RGS6: variants seen among roughly 807,000 people sequenced by gnomAD.
RGS6 encodes regulator of G-protein signaling 6.
RGS6 carries 30 observed loss-of-function variants against 78.5 expected under a neutral mutation model. The ratio of observed to expected loss-of-function variants is 0.38; its 90% confidence interval spans 0.29 to 0.52. The LOEUF is 0.52. Ranked by LOEUF, RGS6 falls within the 20% of genes least tolerant of loss-of-function variation. The probability of loss-of-function intolerance (pLI) is 0.85; values close to 1 mark genes in which losing one functional copy is unlikely to be tolerated. For synonymous variants in RGS6, 206 were observed against 206.0 expected (o/e 1.00, Z 0.00); for missense variants, 495 against 609.7 (o/e 0.81, Z 1.98).
At chr14:72,432,885 C>T (rs58904893) in intron 3 of RGS6, among the ~76,000 whole-genome samples, 1,695 of 152,304 alleles carry the variant, frequency 0.011, 30 homozygotes, top group African/African-American at 0.039. Context: ...CAGCCAAATA[C>T]AGTCTAATGG....
chr14:72,190,632 T>C (rs2097311504), intron 2 of RGS6, among the ~76,000 whole-genome samples: 1 of 152,314 alleles, frequency 6.6e-6, no homozygotes, highest in South Asian at 2.1e-4. Context: ...GGATGAGATG[T>C]GTTCATCTAC....
At chr14:72,513,680 A>C (rs1190781437) in intron 14 of RGS6, among the ~76,000 whole-genome samples, 2 of 152,286 alleles carry the variant, frequency 1.3e-5, no homozygotes, top group African/African-American at 4.8e-5. Context: ...GAATAATGAC[A>C]GTCACTCCTT....
In RGS6 at chr14:72,550,572, G is replaced by A. The variant is rs550631821; in HGVS notation, c.1422+10478G>A. On this transcript the variant is annotated intron_variant, in intron 17 of 17. Transcript: ENST00000553525. ...ACTTAACCCAACCTTGTAATCTTCTGCAGCAAAAGTGGTGGGGGAATTCTG... is the reference window on the plus strand; with the variant it reads ...ACTTAACCCAACCTTGTAATCTTCTACAGCAAAAGTGGTGGGGGAATTCTG... 5.2e-5 allele frequency: 80 copies of A among 1,535,500 alleles called. 1 individual carries two copies. The South Asian group carries it at 8.4e-4, about 16-fold the overall frequency.
At chr14:71,994,046 CTGCAAACTGA>C (rs1334331288) in intron 2 of RGS6, among the ~76,000 whole-genome samples, 2 of 151,752 alleles carry the variant, frequency 1.3e-5, no homozygotes, top group African/African-American at 4.8e-5. Flanking sequence ...ATTCAGGGTT[CTGCAAACTGA>C]TGCCAAACTA....
intron 2 of RGS6, among the ~76,000 whole-genome samples, chr14:72,119,971 G>C (rs755981304): frequency 6.6e-6 from 1 of 152,198 alleles, no homozygotes; most frequent in Non-Finnish European, 1.5e-5. Context: ...GTTTTGTGAG[G>C]ATGATAGATT....
chr14:72,511,439 G>T (rs2096876615), intron 14 of RGS6, among the ~76,000 whole-genome samples: 1 of 152,264 alleles, frequency 6.6e-6, no homozygotes, highest in Admixed American at 6.5e-5. Context: ...GTGAGAGTCT[G>T]CTGAGAGATG....
chr14:72,150,938 T>C (rs1312955727), intron 2 of RGS6, among the ~76,000 whole-genome samples: 2 of 152,212 alleles, frequency 1.3e-5, no homozygotes, highest in South Asian at 4.1e-4. Flanking sequence ...GATCTGTTGA[T>C]AATTGTGTAT....
rs7153828 is a variant in RGS6, at chr14:72,060,573, C to G, written c.84+95698C>G. 1.3e-3 allele frequency among the ~76,000 whole-genome samples: 195 copies of G among 152,234 alleles called. 2 individuals are homozygous for G. Among genetic ancestry groups the G allele is most frequent in the African/African-American group, 4.5e-3 (186 of 41,540 alleles). On this transcript the variant is annotated intron_variant, in intron 2 of 17. Coordinates refer to ENST00000553525, the MANE Select transcript of RGS6 (RefSeq NM_001204424.2). ...TCTTGTTTCTTTGGCTTCTGAATCACTTTGCTGAAGTTGAAATCATCTGAG... is the reference window on the plus strand; with the variant it reads ...TCTTGTTTCTTTGGCTTCTGAATCAGTTTGCTGAAGTTGAAATCATCTGAG...
At chr14:72,621,578 C>G in the RGS6 span, among the ~76,000 whole-genome samples, 1 of 152,030 alleles carries the variant, frequency 6.6e-6, no homozygotes, top group African/African-American at 2.4e-5. Flanking sequence ...GAGTTATCAA[C>G]AGGGGAGTGA....
chr14:71,970,641 G>C (rs2093744059), intron 2 of RGS6, among the ~76,000 whole-genome samples: 1 of 152,138 alleles, frequency 6.6e-6, no homozygotes, highest in Non-Finnish European at 1.5e-5. Flanking sequence ...TGGTGACTAA[G>C]GCATGATGAG....
At chr14:72,401,980 A>G (rs549273192) in intron 3 of RGS6, among the ~76,000 whole-genome samples, 158 of 152,334 alleles carry the variant, frequency 1.0e-3, no homozygotes, top group African/African-American at 3.7e-3. Context: ...GAAAGTGACA[A>G]AAGATGGAGC....
In RGS6 at chr14:72,371,537, G is replaced by A. The variant is rs560478687; in HGVS notation, c.184+19343G>A. ...AGCACTTTTGGAGGCCAAGGCGGGC[G>A]GATCACCTGAGGTTGGGAGTTCGAG... On this transcript the variant is annotated intron_variant, in intron 3 of 17. Coordinates refer to ENST00000553525, the MANE Select transcript of RGS6 (RefSeq NM_001204424.2). Among the ~76,000 whole-genome samples the A allele has an allele frequency of 3.3e-5, 5 of 152,224 alleles. No homozygotes were observed. In the South Asian group the frequency reaches 6.2e-4, roughly 19 times the overall value.
At position 72,323,800 on chromosome 14, in the gene RGS6, C is replaced by CAAA. The variant is rs58303649; in HGVS notation, c.85-28256_85-28254dup. Among the ~76,000 whole-genome samples the CAAA allele has an allele frequency of 9.2e-3, 155 of 16,816 alleles. 47 individuals carry two copies. The highest frequency in any genetic ancestry group is 0.011 in the Non-Finnish European group (102 of 9,412). 11.0% of individuals were successfully genotyped at this position (16,816 alleles called of 152,430 possible). ...TGGGTGACAGAGTGAGACTCCATCT[C>CAAA]AAAAAAAAAAAAAAAAAAAAAAAAA... On this transcript the variant is annotated intron_variant, in intron 2 of 17. Coordinates refer to ENST00000553525, the MANE Select transcript of RGS6 (RefSeq NM_001204424.2).
intron 2 of RGS6, among the ~76,000 whole-genome samples, chr14:72,134,791 C>A (rs1168345719): frequency 1.3e-5 from 2 of 152,174 alleles, no homozygotes; most frequent in East Asian, 3.9e-4. Context: ...GCTCCAATAT[C>A]CCAGGGGAGG....
chr14:71,995,194 C>T (rs536185414), intron 2 of RGS6, among the ~76,000 whole-genome samples: 1 of 152,212 alleles, frequency 6.6e-6, no homozygotes, highest in Non-Finnish European at 1.5e-5. Flanking sequence ...CCTCTCAGTC[C>T]CTCTGGAATT....
intron 1 of RGS6, among the ~76,000 whole-genome samples, chr14:71,946,466 C>T (rs934226705): frequency 5.3e-5 from 8 of 152,168 alleles, no homozygotes; most frequent in Non-Finnish European, 8.8e-5. Context: ...GTGCATCTAT[C>T]TTCCTACCAA....
intron 2 of RGS6, among the ~76,000 whole-genome samples, chr14:72,045,708 A>G (rs1438569786): frequency 2.9e-5 from 4 of 139,398 alleles, no homozygotes; most frequent in Non-Finnish European, 6.2e-5. Flanking sequence ...TTTCTTAAAG[A>G]AAAAAAAAAA....
At chr14:72,305,416 GGCAACTCTCCATTGA>G (rs2067015604) in intron 2 of RGS6, among the ~76,000 whole-genome samples, 1 of 152,102 alleles carries the variant, frequency 6.6e-6, no homozygotes, top group Non-Finnish European at 1.5e-5. Context: ...GAAGGTTTAT[GGCAACTCTCCATTGA>G]GCAAGTCTAT....
At chr14:72,383,422 C>A (rs1294807903) in intron 3 of RGS6, among the ~76,000 whole-genome samples, 1 of 151,760 alleles carries the variant, frequency 6.6e-6, no homozygotes, top group Non-Finnish European at 1.5e-5. Context: ...GAACATTATT[C>A]CATCTTATGT....
Sources: allele counts gnomAD v4.1 joint callset (sites outside exome capture counted in the v4.1 genomes callset), GRCh38; gene constraint gnomAD v4.1.1; transcripts MANE v1.5; gene names NCBI Gene and HGNC (gene_info 2026-07-23, HGNC 2026-07-21).